Variants in CNTNAP5 observed in about 807,000 individuals in gnomAD.
CNTNAP5 encodes the protein contactin associated protein family member 5, also known as contactin-associated protein-like 5.
A neutral mutation model predicts 150.2 loss-of-function variants in CNTNAP5; 72 were observed. The ratio of observed to expected loss-of-function variants is 0.48; its 90% CI spans 0.40 to 0.58. The LOEUF is 0.58. Among genes scored for constraint, CNTNAP5 ranks in the 20% least tolerant of loss-of-function variants. The pLI, the probability that CNTNAP5 is intolerant of heterozygous loss-of-function variation, is 0.00. For missense variants in CNTNAP5, 1,636 were observed against 1,626.2 expected (o/e 1.01, Z -0.10); for synonymous variants, 672 against 619.8 (o/e 1.08, Z -1.25).
intron 1 of CNTNAP5, among the ~76,000 whole-genome samples, chr2:124,042,582 T>C (rs1005692061): frequency 1.3e-5 from 2 of 152,090 alleles, no homozygotes; most frequent in Non-Finnish European, 2.9e-5. Context: ...CAAAGGTAAA[T>C]TTTATACCAG....
In CNTNAP5 at chr2:124,714,919, A is replaced by G. The variant is rs371396136; in HGVS notation, c.2078-32310A>G. ...GTTTTTGACTTGTAGAAAATACTCT[A>G]TTGATCTTTTCAGCAGAACTCCAGC... On this transcript the variant is annotated intron_variant, in intron 13 of 23. Transcript: ENST00000682447. 4.6e-4 allele frequency among the ~76,000 whole-genome samples: 70 copies of G among 152,262 alleles called. 1 individual carries two copies. The highest frequency in any genetic ancestry group is 1.6e-3 in the African/African-American group (67 of 41,578).
chr2:124,533,617 A>G (rs753892805), intron 10 of CNTNAP5, among the ~76,000 whole-genome samples: 2 of 152,152 alleles, frequency 1.3e-5, no homozygotes, highest in Non-Finnish European at 2.9e-5. Flanking sequence ...AGCTCCCTCA[A>G]AGTCCCAAAG....
intron 13 of CNTNAP5, among the ~76,000 whole-genome samples, chr2:124,711,656 T>A (rs1439958840): frequency 6.6e-6 from 1 of 151,820 alleles, no homozygotes; most frequent in African/African-American, 2.4e-5. Flanking sequence ...TGAAACCCCG[T>A]CTCTACTAAA....
chr2:124,206,920 A>G (rs999463285), intron 1 of CNTNAP5, among the ~76,000 whole-genome samples: 8 of 152,190 alleles, frequency 5.3e-5, no homozygotes, highest in Non-Finnish European at 4.4e-5. Context: ...AAAAAGCACT[A>G]TACAGCCCAA....
chr2:124,783,035 A>G (rs888775941), intron 17 of CNTNAP5, among the ~76,000 whole-genome samples: 4 of 152,190 alleles, frequency 2.6e-5, no homozygotes, highest in Non-Finnish European at 5.9e-5. Context: ...AAAATAGTAC[A>G]TGCAATGTGA....
chr2:124,914,050 C>T (rs984073887), intron 23 of CNTNAP5, 42 bp from the exon 24 acceptor site: 2 of 1,474,752 alleles, frequency 1.4e-6, no homozygotes, highest in African/African-American at 2.8e-5. Context: ...GCAGATGACT[C>T]ATGACGATTT....
At chr2:124,520,668 G>C (rs1199111162) in intron 8 of CNTNAP5, among the ~76,000 whole-genome samples, 1 of 152,054 alleles carries the variant, frequency 6.6e-6, no homozygotes, top group Non-Finnish European at 1.5e-5. Flanking sequence ...ATATCATGGG[G>C]GTGCTTAGTG....
chr2:124,313,438 A>G (rs1325672929), intron 3 of CNTNAP5, among the ~76,000 whole-genome samples: 1 of 152,158 alleles, frequency 6.6e-6, no homozygotes, highest in East Asian at 1.9e-4. Context: ...CATCAGACCC[A>G]CCCAAGAAAG....
At chr2:124,535,790 T>A (rs896883379) in intron 10 of CNTNAP5, among the ~76,000 whole-genome samples, 97 of 151,134 alleles carry the variant, frequency 6.4e-4, no homozygotes, top group African/African-American at 2.1e-3. Flanking sequence ...ACAAAAAAAA[T>A]AAGAAAGAAA....
At chr2:124,397,320 C>T (rs958906214) in intron 3 of CNTNAP5, among the ~76,000 whole-genome samples, 1 of 152,170 alleles carries the variant, frequency 6.6e-6, no homozygotes, top group Admixed American at 6.5e-5. Context: ...GATTAAGGTG[C>T]TGGAAGATCC....
chr2:124,662,375 C>T (rs1031850234), intron 13 of CNTNAP5, among the ~76,000 whole-genome samples: 1 of 152,136 alleles, frequency 6.6e-6, no homozygotes, highest in African/African-American at 2.4e-5. Flanking sequence ...AATGATATTT[C>T]TGGTTCTAGA....
Position 124,586,976 on chromosome 2 carries a change from C to A in CNTNAP5, c.1757-22825C>A, listed in dbSNP as rs116693911. ...TGGCCTGGGTTCAGATACCAGCTTCCTGCTGAATGGTGAGTGGACTTGGAC... is the reference window on the plus strand; with the variant it reads ...TGGCCTGGGTTCAGATACCAGCTTCATGCTGAATGGTGAGTGGACTTGGAC... On this transcript the variant is annotated intron_variant, in intron 11 of 23. Coordinates refer to ENST00000682447, the MANE Select transcript of CNTNAP5 (RefSeq NM_001367498.1). Among the ~76,000 whole-genome samples, 1,189 of 152,256 alleles carry A rather than the reference C, an allele frequency of 7.8e-3. 20 individuals are homozygous for A. The highest frequency in any genetic ancestry group is 0.027 in the African/African-American group (1,140 of 41,556).
intron 3 of CNTNAP5, among the ~76,000 whole-genome samples, chr2:124,364,912 G>T (rs974584516): frequency 1.3e-5 from 2 of 152,054 alleles, no homozygotes; most frequent in African/African-American, 4.8e-5. Context: ...CTAACTTCTT[G>T]CTTGGCACAT....
chr2:124,217,488 C>T (rs1686188521), intron 1 of CNTNAP5, among the ~76,000 whole-genome samples: 1 of 152,100 alleles, frequency 6.6e-6, no homozygotes, highest in African/African-American at 2.4e-5. Context: ...CAGCCATGTG[C>T]TTGGGGTAGT....
chr2:124,027,419 C>A (rs1468845030), intron 1 of CNTNAP5, among the ~76,000 whole-genome samples: 5 of 152,162 alleles, frequency 3.3e-5, no homozygotes, highest in African/African-American at 1.2e-4. Flanking sequence ...CTTTGAAAAG[C>A]CACAAAGGTG....
intron 3 of CNTNAP5, among the ~76,000 whole-genome samples, chr2:124,394,233 G>A (rs927675064): frequency 6.6e-5 from 10 of 151,768 alleles, no homozygotes; most frequent in South Asian, 4.2e-4. Flanking sequence ...TTAGCTGGGC[G>A]TGGTGGCTCA....
intron 3 of CNTNAP5, among the ~76,000 whole-genome samples, chr2:124,351,002 C>T (rs1489416164): frequency 2.6e-5 from 4 of 151,950 alleles, no homozygotes; most frequent in African/African-American, 9.7e-5. Context: ...CAAAGAACTT[C>T]GATTTACACT....
intron 8 of CNTNAP5, among the ~76,000 whole-genome samples, chr2:124,516,178 A>G (rs1694713479): frequency 6.6e-6 from 1 of 152,166 alleles, no homozygotes; most frequent in African/African-American, 2.4e-5. Flanking sequence ...GGAAAACATA[A>G]CTCAGGCTCT....
intron 1 of CNTNAP5, among the ~76,000 whole-genome samples, chr2:124,212,563 T>C (rs915818551): frequency 6.6e-6 from 1 of 152,200 alleles, no homozygotes; most frequent in Non-Finnish European, 1.5e-5. Context: ...CACTCAATAA[T>C]ATAAAAGGTT....
Sources: gnomAD v4.1 joint callset for allele counts (sites outside exome capture counted in the v4.1 genomes callset) on GRCh38, gnomAD v4.1.1 for gene constraint, MANE v1.5 for transcripts, NCBI Gene and HGNC (gene_info 2026-07-23, HGNC 2026-07-21) for gene names.